CCDC91: variants seen among roughly 807,000 people sequenced by gnomAD.
The protein encoded by CCDC91 is coiled-coil domain containing 91.
CCDC91 carries 48 observed loss-of-function variants against 63.2 expected under a neutral mutation model. That is an observed-to-expected ratio of 0.76 (90% CI 0.60 to 0.97). The LOEUF (loss-of-function observed/expected upper bound fraction) is 0.97, where lower values mean the gene tolerates loss of function less well. Ranked by LOEUF, CCDC91 falls within the 50% of genes least tolerant of loss-of-function variation. The pLI, the probability that CCDC91 is intolerant of heterozygous loss-of-function variation, is 0.00. For synonymous variants in CCDC91, 167 were observed against 165.8 expected (o/e 1.01, Z -0.06); for missense variants, 500 against 494.6 (o/e 1.01, Z -0.10).
chr12:28,506,999 C>CAT (rs1938809201), intron 12 of CCDC91, among the ~76,000 whole-genome samples: 1 of 151,810 alleles, frequency 6.6e-6, no homozygotes, highest in South Asian at 2.1e-4. Flanking sequence ...ATGCAGAATT[C>CAT]ATATATGTGC....
intron 1 of CCDC91, among the ~76,000 whole-genome samples, chr12:28,201,654 C>T (rs555643753): frequency 3.4e-5 from 5 of 146,550 alleles, no homozygotes; most frequent in Non-Finnish European, 7.6e-5. Flanking sequence ...GCAATCTGGG[C>T]ACTTTGGGAG....
chr12:28,259,100 A>G (rs1946647867), intron 2 of CCDC91, among the ~76,000 whole-genome samples: 1 of 152,052 alleles, frequency 6.6e-6, no homozygotes, highest in Non-Finnish European at 1.5e-5. Flanking sequence ...GATTAAGAAT[A>G]TATAAAATAA....
At chr12:28,341,488 A>G (rs1165778621) in intron 6 of CCDC91, among the ~76,000 whole-genome samples, 1 of 152,196 alleles carries the variant, frequency 6.6e-6, no homozygotes, top group African/African-American at 2.4e-5. Context: ...ATAATCCAGG[A>G]TAATCTCCCT....
intron 1 of CCDC91, among the ~76,000 whole-genome samples, chr12:28,233,388 A>G (rs963850466): frequency 1.9e-4 from 29 of 152,200 alleles, no homozygotes; most frequent in Middle Eastern, 3.4e-3. Flanking sequence ...CATGTTTTTG[A>G]TATTTATTAT....
intron 11 of CCDC91, among the ~76,000 whole-genome samples, chr12:28,463,890 CA>C (rs1372293429): frequency 6.6e-6 from 1 of 152,164 alleles, no homozygotes; most frequent in Non-Finnish European, 1.5e-5. Flanking sequence ...ACAGAAAAAG[CA>C]CCTTCATAAA....
intron 8 of CCDC91, among the ~76,000 whole-genome samples, chr12:28,402,185 A>G (rs1317798176): frequency 6.6e-6 from 1 of 152,148 alleles, no homozygotes; most frequent in East Asian, 1.9e-4. Context: ...CCTAGATGCC[A>G]TGGCACACGC....
chr12:28,296,313 A>C (rs1242639807), intron 3 of CCDC91, among the ~76,000 whole-genome samples: 1 of 151,782 alleles, frequency 6.6e-6, no homozygotes, highest in East Asian at 1.9e-4. Context: ...AGAATTCCGA[A>C]ATTTGATTAT....
intron 12 of CCDC91, among the ~76,000 whole-genome samples, chr12:28,543,621 A>G (rs770354274): frequency 6.6e-6 from 1 of 151,850 alleles, no homozygotes; most frequent in Non-Finnish European, 1.5e-5. Context: ...TCATTCCCTA[A>G]ATATTTTTAT....
At position 28,306,939 on chromosome 12, in the gene CCDC91, TA is replaced by T; in HGVS notation, c.468del (p.Lys156AsnfsTer7). The T allele has an allele frequency of 6.3e-7, 1 of 1,580,866 alleles. No individual in the cohort carries two copies. The highest frequency in any genetic ancestry group is 8.7e-7 in the Non-Finnish European group (1 of 1,152,210). ...KVSEEEKQRIKQDVESLMEKH... is the reference protein window; with the variant it reads ...KVSEEEKQRIXQDVESLMEKH... ...TATCTGAAGAAGAAAAACAGAGAAT[TA>T]AACAGGTATATTTACATTTGCCTAA... On this transcript the variant is annotated frameshift_variant, in exon 5 of 13. Transcript: ENST00000536442. LOFTEE classifies it high-confidence loss of function.
At chr12:28,304,021 C>T (rs555462906) in intron 3 of CCDC91, among the ~76,000 whole-genome samples, 45 of 151,886 alleles carry the variant, frequency 3.0e-4, no homozygotes, top group South Asian at 1.0e-3. Flanking sequence ...AAATAATTTC[C>T]GAAGTAGGGA....
chr12:28,425,037 A>G (rs1451988346), intron 8 of CCDC91, among the ~76,000 whole-genome samples: 1 of 152,120 alleles, frequency 6.6e-6, no homozygotes, highest in East Asian at 1.9e-4. Flanking sequence ...TCCTGGTTAA[A>G]AACCTATTGT....
intron 8 of CCDC91, among the ~76,000 whole-genome samples, chr12:28,430,261 C>T: frequency 6.6e-6 from 1 of 151,832 alleles, no homozygotes; most frequent in East Asian, 1.9e-4. Flanking sequence ...TGGAATAGAA[C>T]AAGGGAGAAA....
intron 11 of CCDC91, among the ~76,000 whole-genome samples, chr12:28,456,236 A>G (rs1218284462): frequency 1.3e-5 from 2 of 152,144 alleles, no homozygotes; most frequent in Non-Finnish European, 2.9e-5. Flanking sequence ...AAGATAGTCA[A>G]GGCCCCTGTG....
chr12:28,358,763 C>T (rs556108819), intron 6 of CCDC91, among the ~76,000 whole-genome samples: 50 of 152,118 alleles, frequency 3.3e-4, no homozygotes, highest in Non-Finnish European at 1.0e-4. Context: ...AAAAGTCTCT[C>T]TAGTAAGATA....
At chr12:28,478,127 G>C (rs1951220647) in intron 11 of CCDC91, among the ~76,000 whole-genome samples, 2 of 152,012 alleles carry the variant, frequency 1.3e-5, no homozygotes, top group African/African-American at 4.8e-5. Context: ...AGTTCATATG[G>C]AACCAAAAAA....
chr12:28,411,670 A>G (rs74421703), intron 8 of CCDC91, among the ~76,000 whole-genome samples: 1,816 of 152,278 alleles, frequency 0.012, 37 homozygotes, highest in African/African-American at 0.042. Context: ...TGAACGATGG[A>G]CTGTATATAA....
chr12:28,368,913 G>C (rs1028904133), intron 7 of CCDC91, among the ~76,000 whole-genome samples: 5 of 151,894 alleles, frequency 3.3e-5, no homozygotes, highest in Non-Finnish European at 5.9e-5. Context: ...ACTACCATAA[G>C]AACAGCATGC....
At chr12:28,466,662 A>G (rs1950564664) in intron 11 of CCDC91, among the ~76,000 whole-genome samples, 1 of 152,138 alleles carries the variant, frequency 6.6e-6, no homozygotes, top group African/African-American at 2.4e-5. Flanking sequence ...TTCTCAGACA[A>G]AAGCTATGGG....
chr12:28,508,562 G>A (rs1177288204), intron 12 of CCDC91, among the ~76,000 whole-genome samples: 4 of 151,860 alleles, frequency 2.6e-5, no homozygotes, highest in Non-Finnish European at 4.4e-5. Flanking sequence ...TTGTGTAACA[G>A]CCCTACCTCC....
Sources: gnomAD v4.1 joint callset for allele counts (sites outside exome capture counted in the v4.1 genomes callset) on GRCh38, gnomAD v4.1.1 for gene constraint, MANE v1.5 for transcripts, NCBI Gene and HGNC (gene_info 2026-07-23, HGNC 2026-07-21) for gene names.